Variants in CTNNA2 observed in about 807,000 individuals in gnomAD.
CTNNA2 encodes the protein catenin alpha-2.
In CTNNA2, 42 loss-of-function variants were observed where a neutral mutation model predicts 101.0. The ratio of observed to expected loss-of-function variants is 0.42; its 90% CI spans 0.32 to 0.54. The LOEUF (loss-of-function observed/expected upper bound fraction) is 0.54, where lower values mean the gene tolerates loss of function less well. Among genes scored for constraint, CTNNA2 ranks in the 20% least tolerant of loss-of-function variants. The probability of loss-of-function intolerance (pLI) is 0.14; values close to 1 mark genes in which losing one functional copy is unlikely to be tolerated. For synonymous variants in CTNNA2, 450 were observed against 456.4 expected (o/e 0.99, Z 0.18); for missense variants, 871 against 1,223.1 (o/e 0.71, Z 4.29).
At chr2:79,450,946 A>G (rs1159079489) in intron 4 of CTNNA2, among the ~76,000 whole-genome samples, 1 of 152,114 alleles carries the variant, frequency 6.6e-6, no homozygotes, top group Non-Finnish European at 1.5e-5. Flanking sequence ...GAACAGGACA[A>G]TGTCCATTGC....
At chr2:79,822,063 A>G (rs550411213) in intron 3 of CTNNA2, among the ~76,000 whole-genome samples, 4 of 152,338 alleles carry the variant, frequency 2.6e-5, no homozygotes, top group African/African-American at 9.6e-5. Flanking sequence ...ATAATTGCTA[A>G]GATGTTACAC....
intron 7 of CTNNA2, among the ~76,000 whole-genome samples, chr2:80,368,702 G>C (rs956821404): frequency 2.2e-4 from 34 of 151,370 alleles, no homozygotes; most frequent in African/African-American, 7.8e-4. Flanking sequence ...CCAAATTTAG[G>C]GGCATATTCT....
chr2:80,451,659 T>C (rs993360015), intron 9 of CTNNA2, among the ~76,000 whole-genome samples: 2 of 152,200 alleles, frequency 1.3e-5, no homozygotes, highest in East Asian at 3.9e-4. Flanking sequence ...AACCCTTTAA[T>C]TTAGATTTGT....
intron 1 of CTNNA2, chr2:79,185,480 T>A (rs1363687200): frequency 6.6e-6 from 1 of 152,226 alleles, no homozygotes; most frequent in African/African-American, 2.4e-5. Context: ...CACCTCTGAT[T>A]ATGTTTTTCA....
At chr2:79,995,060 C>T (rs536000879) in intron 7 of CTNNA2, among the ~76,000 whole-genome samples, 2 of 152,288 alleles carry the variant, frequency 1.3e-5, no homozygotes, top group African/African-American at 4.8e-5. Flanking sequence ...ATGCCATTAG[C>T]TCATTATTAC....
At chr2:79,919,108 A>G (rs1686474478) in intron 7 of CTNNA2, among the ~76,000 whole-genome samples, 1 of 152,104 alleles carries the variant, frequency 6.6e-6, no homozygotes, top group Admixed American at 6.5e-5. Flanking sequence ...GTAGCCTTCT[A>G]TGCCACAAGC....
intron 7 of CTNNA2, among the ~76,000 whole-genome samples, chr2:80,285,028 G>A (rs549814168): frequency 6.6e-6 from 1 of 152,226 alleles, no homozygotes; most frequent in East Asian, 1.9e-4. Flanking sequence ...AAAAGGAGGG[G>A]CTCTTTCTTC....
At chr2:80,112,379 A>T (rs973636062) in intron 7 of CTNNA2, among the ~76,000 whole-genome samples, 3 of 152,176 alleles carry the variant, frequency 2.0e-5, no homozygotes, top group Non-Finnish European at 4.4e-5. Flanking sequence ...AATATTTACT[A>T]TTTATATTAC....
chr2:80,199,596 G>A (rs1016247803), intron 7 of CTNNA2, among the ~76,000 whole-genome samples: 21 of 152,328 alleles, frequency 1.4e-4, no homozygotes, highest in African/African-American at 5.1e-4. Flanking sequence ...GAGGGAAAGG[G>A]CAGTACATTT....
intron 2 of CTNNA2, among the ~76,000 whole-genome samples, chr2:79,211,354 G>A (rs981547009): frequency 3.3e-5 from 5 of 152,158 alleles, no homozygotes; most frequent in African/African-American, 1.2e-4. Flanking sequence ...TTTCATGCGC[G>A]TCCGTGAGAA....
chr2:79,494,952 A>T (rs2104568055), intron 4 of CTNNA2, among the ~76,000 whole-genome samples: 1 of 152,180 alleles, frequency 6.6e-6, no homozygotes. Flanking sequence ...ATACAAAAAA[A>T]ATTAGCTGGG....
chr2:80,231,373 G>A (rs538319503), intron 7 of CTNNA2, among the ~76,000 whole-genome samples: 16 of 152,110 alleles, frequency 1.1e-4, no homozygotes, highest in Non-Finnish European at 2.1e-4. Context: ...GTGATGGTAC[G>A]GCATTCATAC....
intron 4 of CTNNA2, among the ~76,000 whole-genome samples, chr2:79,457,920 T>C (rs929240250): frequency 6.6e-6 from 1 of 152,188 alleles, no homozygotes; most frequent in Non-Finnish European, 1.5e-5. Context: ...AGGACCAAGC[T>C]AGTTCTCTCT....
At position 79,874,288 on chromosome 2, in the gene CTNNA2, A is replaced by C. The variant is rs745959248; in HGVS notation, c.798A>C (p.Glu266Asp). ...CTCAAGCTACCTCGCCCACTGACGAAGCCAAGGGCCACACGGGCATCGGCG... is the reference window on the plus strand; with the variant it reads ...CTCAAGCTACCTCGCCCACTGACGACGCCAAGGGCCACACGGGCATCGGCG... ...NAAQATSPTDEAKGHTGIGEL... is the reference protein window; with the variant it reads ...NAAQATSPTDDAKGHTGIGEL... Residue 266 changes from glutamate (E) to aspartate (D), a missense_variant, in exon 6 of 19, where the codon GAA becomes GAC. Glu to Asp is a conservative substitution (Grantham distance 45, BLOSUM62 2). Transcript: ENST00000402739. The C allele has an allele frequency of 2.1e-5, 34 of 1,614,104 alleles. No homozygotes were observed. In the Middle Eastern group the frequency reaches 2.8e-3, roughly 133 times the overall value.
At chr2:80,075,629 TATACATGTATAAATA>T (rs1558783502) in intron 7 of CTNNA2, among the ~76,000 whole-genome samples, 1,584 of 89,800 alleles carry the variant, frequency 0.018, 35 homozygotes, top group Admixed American at 0.028. Context: ...TATAAATATT[TATACATGTATAAATA>T]TTATAAAAAT....
At chr2:80,412,101 T>A (rs1455553407) in intron 8 of CTNNA2, among the ~76,000 whole-genome samples, 2 of 152,106 alleles carry the variant, frequency 1.3e-5, no homozygotes, top group African/African-American at 4.8e-5. Flanking sequence ...ACCTGCTAGA[T>A]TAAGCCATCT....
At chr2:79,940,989 AG>A (rs1283470916) in intron 7 of CTNNA2, among the ~76,000 whole-genome samples, 1 of 152,180 alleles carries the variant, frequency 6.6e-6, no homozygotes, top group Non-Finnish European at 1.5e-5. Flanking sequence ...TTATCCCAAA[AG>A]AGTGATCTTT....
chr2:79,735,515 A>G (rs1424296878), intron 2 of CTNNA2, among the ~76,000 whole-genome samples: 1 of 152,142 alleles, frequency 6.6e-6, no homozygotes, highest in Non-Finnish European at 1.5e-5. Flanking sequence ...AAAATATCTC[A>G]CCCAATCATA....
At chr2:80,456,909 T>C (rs1236276232) in intron 9 of CTNNA2, among the ~76,000 whole-genome samples, 1 of 152,156 alleles carries the variant, frequency 6.6e-6, no homozygotes, top group Non-Finnish European at 1.5e-5. Flanking sequence ...GAATAAGTTC[T>C]AGCGCTTGAT....
Sources: gnomAD v4.1 joint callset for allele counts (sites outside exome capture counted in the v4.1 genomes callset) on GRCh38, gnomAD v4.1.1 for gene constraint, MANE v1.5 for transcripts, NCBI Gene and HGNC (gene_info 2026-07-23, HGNC 2026-07-21) for gene names.